Variants in SCFD2 observed in about 807,000 individuals in gnomAD.
The protein encoded by SCFD2 is sec1 family domain-containing protein 2.
In SCFD2, 54 loss-of-function variants were observed where a neutral mutation model predicts 58.9. The observed-to-expected ratio is 0.92, with a 90% CI of 0.74 to 1.15. The LOEUF (loss-of-function observed/expected upper bound fraction) is 1.15. Ranked by LOEUF, SCFD2 falls within the 50% of genes most tolerant of loss-of-function variation. The pLI, the probability that SCFD2 is intolerant of heterozygous loss-of-function variation, is 0.00. For missense variants in SCFD2, 805 were observed against 836.6 expected (o/e 0.96, Z 0.47); for synonymous variants, 321 against 335.9 (o/e 0.96, Z 0.49).
chr4:53,274,163 G>A (rs918070107), intron 3 of SCFD2, among the ~76,000 whole-genome samples, 162 bp from the exon 4 acceptor site: 3 of 152,218 alleles, frequency 2.0e-5, no homozygotes, highest in Admixed American at 6.5e-5. Flanking sequence ...ATAGTGACAA[G>A]AGCAAAACTG....
chr4:53,243,271 A>G (rs1477346031), intron 4 of SCFD2, among the ~76,000 whole-genome samples: 1 of 152,226 alleles, frequency 6.6e-6, no homozygotes, highest in Non-Finnish European at 1.5e-5. Flanking sequence ...TCATACTAAC[A>G]GCAGACCCCT....
intron 5 of SCFD2, among the ~76,000 whole-genome samples, chr4:53,042,349 A>G (rs550076593): frequency 1.9e-4 from 29 of 152,214 alleles, no homozygotes; most frequent in African/African-American, 7.0e-4. Flanking sequence ...ATATATATAT[A>G]TATATCATCA....
chr4:53,332,744 C>T (rs1342240159), intron 2 of SCFD2, among the ~76,000 whole-genome samples: 35 of 151,830 alleles, frequency 2.3e-4, no homozygotes, highest in African/African-American at 7.7e-4. Flanking sequence ...GAAGTTCTGG[C>T]CAGGGCAATT....
At chr4:53,349,947 T>C (rs1475433660) in intron 2 of SCFD2, among the ~76,000 whole-genome samples, 1 of 152,142 alleles carries the variant, frequency 6.6e-6, no homozygotes, top group Non-Finnish European at 1.5e-5. Context: ...CTCCACCAAG[T>C]CTAACTGTAT....
intron 7 of SCFD2, among the ~76,000 whole-genome samples, chr4:52,887,896 CTTTTTTTTTTTTTTT>C (rs71195133): frequency 2.4e-5 from 2 of 81,646 alleles, no homozygotes; most frequent in Non-Finnish European, 4.4e-5. Flanking sequence ...ACATCTTATT[CTTTTTTTTTTTTTTT>C]TTTTTTTTTT....
At chr4:53,330,262 T>G (rs1733393914) in intron 2 of SCFD2, among the ~76,000 whole-genome samples, 1 of 151,788 alleles carries the variant, frequency 6.6e-6, no homozygotes, top group Admixed American at 6.6e-5. Flanking sequence ...AAGATACTCC[T>G]CAAGAAGAGC....
chr4:53,014,472 T>C (rs960808187), intron 5 of SCFD2, among the ~76,000 whole-genome samples: 3 of 152,278 alleles, frequency 2.0e-5, no homozygotes, highest in African/African-American at 4.8e-5. Context: ...TTCCCTGTCA[T>C]CCAAGACACT....
At chr4:53,107,049 A>C (rs1258762691) in intron 5 of SCFD2, among the ~76,000 whole-genome samples, 1 of 152,216 alleles carries the variant, frequency 6.6e-6, no homozygotes, top group Non-Finnish European at 1.5e-5. Flanking sequence ...CCTAAAAGCC[A>C]GAAGAGAGTG....
At chr4:53,220,994 G>A (rs1219895910) in intron 4 of SCFD2, among the ~76,000 whole-genome samples, 1 of 152,108 alleles carries the variant, frequency 6.6e-6, no homozygotes, top group Non-Finnish European at 1.5e-5. Context: ...GAAAAAAATA[G>A]GTATTAACAA....
chr4:52,921,551 T>C (rs1719735692), intron 5 of SCFD2, among the ~76,000 whole-genome samples: 1 of 152,160 alleles, frequency 6.6e-6, no homozygotes. Context: ...CTCTCCCAAA[T>C]ACATCAGCTA....
chr4:53,243,906 AT>A (rs1729980507), intron 4 of SCFD2, among the ~76,000 whole-genome samples: 1 of 152,166 alleles, frequency 6.6e-6, no homozygotes, highest in Non-Finnish European at 1.5e-5. Flanking sequence ...TGTTTTTCTC[AT>A]TTTTAAATTT....
At chr4:53,128,461 T>C (rs1446597092) in intron 5 of SCFD2, among the ~76,000 whole-genome samples, 2 of 152,184 alleles carry the variant, frequency 1.3e-5, no homozygotes, top group Non-Finnish European at 2.9e-5. Flanking sequence ...GCTTCTGCGT[T>C]TCCGAGGAGA....
intron 3 of SCFD2, among the ~76,000 whole-genome samples, chr4:53,311,584 A>G (rs1295162741): frequency 1.3e-5 from 2 of 152,086 alleles, no homozygotes; most frequent in Admixed American, 1.3e-4. Flanking sequence ...ACTGAAACAC[A>G]ATATAAATTA....
intron 4 of SCFD2, among the ~76,000 whole-genome samples, chr4:53,218,664 G>C (rs543257140): frequency 1.3e-5 from 2 of 152,220 alleles, no homozygotes; most frequent in Non-Finnish European, 2.9e-5. Context: ...TCTCCGTCCA[G>C]CTTTCTTCCG....
intron 4 of SCFD2, among the ~76,000 whole-genome samples, chr4:53,240,967 C>T (rs1414122125): frequency 2.0e-5 from 3 of 152,196 alleles, no homozygotes; most frequent in Non-Finnish European, 2.9e-5. Context: ...TCTAGCAGAT[C>T]TTCAGAGGGA....
intron 5 of SCFD2, among the ~76,000 whole-genome samples, chr4:52,951,664 TGATA>T (rs1421094193): frequency 2.0e-5 from 3 of 152,148 alleles, no homozygotes; most frequent in Admixed American, 1.3e-4. Context: ...CTGTAAGAAG[TGATA>T]CTCCAAAAGC....
intron 4 of SCFD2, among the ~76,000 whole-genome samples, chr4:53,264,979 T>C (rs576196497): frequency 3.8e-4 from 58 of 152,198 alleles, no homozygotes; most frequent in Non-Finnish European, 6.8e-4. Flanking sequence ...CCAAGCTGGA[T>C]TGCTTTAATT....
At chr4:53,296,191 G>A (rs1226671386) in intron 3 of SCFD2, among the ~76,000 whole-genome samples, 1 of 152,144 alleles carries the variant, frequency 6.6e-6, no homozygotes, top group Non-Finnish European at 1.5e-5. Context: ...TTTATTGATT[G>A]GAATAGTTTC....
chr4:53,111,042 A>C (rs1725155745), intron 5 of SCFD2, among the ~76,000 whole-genome samples: 1 of 152,138 alleles, frequency 6.6e-6, no homozygotes, highest in Non-Finnish European at 1.5e-5. Flanking sequence ...TGCAGGGTCA[A>C]GGATGAAGCT....
Sources: allele counts gnomAD v4.1 joint callset (sites outside exome capture counted in the v4.1 genomes callset), GRCh38; gene constraint gnomAD v4.1.1; transcripts MANE v1.5; gene names NCBI Gene and HGNC (gene_info 2026-07-23, HGNC 2026-07-21).